Variants in KIF9 observed in about 807,000 individuals in gnomAD.
KIF9 encodes kinesin family member 9.
A neutral mutation model predicts 94.8 loss-of-function variants in KIF9; 68 were observed. That is an observed-to-expected ratio of 0.72 (90% CI 0.59 to 0.88). The LOEUF (loss-of-function observed/expected upper bound fraction) is 0.88, where lower values mean the gene tolerates loss of function less well. KIF9 is among the 40% of genes least tolerant of loss of function. The pLI is 0.00. For synonymous variants in KIF9, 343 were observed against 362.1 expected (o/e 0.95, Z 0.60); for missense variants, 882 against 982.5 (o/e 0.90, Z 1.37).
In KIF9 at chr3:47,277,361, T is replaced by A. The variant is rs748727535; in HGVS notation, c.14A>T (p.Lys5Ile). The A allele has an allele frequency of 1.2e-6, 2 of 1,613,516 alleles. No individual in the cohort carries two copies. Among genetic ancestry groups the A allele is most frequent in the Admixed American group, 3.3e-5 (2 of 59,992 alleles). ...GACACGGACAAATGCATGAACTTTT[T>A]TCCTAGTACCCATTCTAGCTAAAAA... The part of the protein sequence containing the change: MGTR[K>I]KVHAFVRVKP... The change falls in exon 2 of 21, where the codon AAA (lysine) becomes ATA (isoleucine). Residue 5 changes from lysine (K) to isoleucine (I), a missense_variant. Coordinates refer to ENST00000684063, the MANE Select transcript of KIF9 (RefSeq NM_182902.4).
intron 10 of KIF9, among the ~76,000 whole-genome samples, chr3:47,256,109 A>G (rs1700568817): frequency 6.6e-6 from 1 of 152,184 alleles, no homozygotes; most frequent in Non-Finnish European, 1.5e-5. Flanking sequence ...TCGGCTCGCT[A>G]CAACTTCCAC....
intron 5 of KIF9, among the ~76,000 whole-genome samples, chr3:47,270,088 G>A (rs552907357): frequency 4.6e-5 from 7 of 151,776 alleles, no homozygotes; most frequent in Admixed American, 2.6e-4. Flanking sequence ...ATTGTTAGTG[G>A]AGATGAGGTT....
At position 47,236,614 on chromosome 3, in the gene KIF9, A is replaced by G; in HGVS notation, c.1930T>C (p.Tyr644His). The G allele has an allele frequency of 6.2e-7, 1 of 1,613,550 alleles. No homozygotes were observed. The highest frequency in any genetic ancestry group is 8.5e-7 in the Non-Finnish European group (1 of 1,179,978). Residue 644 changes from tyrosine (Y) to histidine (H), a missense_variant, in exon 18 of 21, where the codon TAC becomes CAC. Coordinates refer to ENST00000684063, the MANE Select transcript of KIF9 (RefSeq NM_182902.4). ...QKSLREKQGK[Y>H]ENKGLMIIDE... Reference sequence around the variant, plus strand: ...ATGATCATCAGCCCCTTGTTTTCGTACTTGCCTGCAAGGTGATGGAAGAAG... The same window carrying G: ...ATGATCATCAGCCCCTTGTTTTCGTGCTTGCCTGCAAGGTGATGGAAGAAG...
At chr3:47,238,323 T>A (rs1364664572) in intron 17 of KIF9, 1 of 152,118 alleles carries the variant, frequency 6.6e-6, no homozygotes, top group Non-Finnish European at 1.5e-5. Context: ...GCTCAGGTGA[T>A]CCTTTCACCA....
At chr3:47,251,243 C>A (rs1395927373) in intron 10 of KIF9, among the ~76,000 whole-genome samples, 2 of 152,208 alleles carry the variant, frequency 1.3e-5, no homozygotes, top group African/African-American at 4.8e-5. Context: ...CACAGCAGAG[C>A]CAAACTTACA....
rs538559442 is a variant in KIF9, at chr3:47,229,249, G to T, written c.2323-547C>A. 1.1e-4 allele frequency among the ~76,000 whole-genome samples: 16 copies of T among 152,324 alleles called. No homozygotes were observed. In the South Asian group the frequency reaches 3.3e-3, roughly 32 times the overall value. On this transcript the variant is annotated intron_variant, in intron 20 of 20. Transcript: ENST00000684063. ...CCACAAAGTAGGAGTCTGAATTGAAGCTCCCATATTAAACTGGAATTCTTG... is the reference window on the plus strand; with the variant it reads ...CCACAAAGTAGGAGTCTGAATTGAATCTCCCATATTAAACTGGAATTCTTG...
At chr3:47,247,992 C>T in intron 11 of KIF9, 26 bp downstream of exon 11, 2 of 1,589,548 alleles carry the variant, frequency 1.3e-6, no homozygotes, top group Non-Finnish European at 1.7e-6. Flanking sequence ...CACCTCTGCC[C>T]TCCTTCTTTG....
rs1363026412 is a variant in KIF9 at position 47,232,842 on chromosome 3, C to T, written c.2322+2671G>A. On this transcript the variant is annotated intron_variant, in intron 20 of 20. Transcript: ENST00000684063. ...CTAAAAATACAAAAAATTAGCTGGG[C>T]GTGGTGGCGGGCACCTGTAGTCCCA... Among the ~76,000 whole-genome samples the T allele has an allele frequency of 3.3e-5, 5 of 151,002 alleles. No individual in the cohort carries two copies. In the East Asian group the frequency reaches 6.1e-4, roughly 18 times the overall value.
chr3:47,280,273 A>G (rs1439910605), intron 1 of KIF9, among the ~76,000 whole-genome samples: 2 of 152,226 alleles, frequency 1.3e-5, no homozygotes, highest in Non-Finnish European at 2.9e-5. Context: ...CCAAGGGCCC[A>G]TTCTCCTGCC....
At position 47,235,563 on chromosome 3, in the gene KIF9, C is replaced by A. The variant is rs745839521; in HGVS notation, c.2272G>T (p.Gly758Cys). 2.5e-6 allele frequency: 4 copies of A among 1,614,078 alleles called. No individual in the cohort carries two copies. The highest frequency in any genetic ancestry group is 3.4e-6 in the Non-Finnish European group (4 of 1,179,980). The change falls in exon 20 of 21, where the codon GGC (glycine) becomes TGC (cysteine). Residue 758 changes from glycine to cysteine, a missense_variant. Transcript: ENST00000684063. ...SQLQQRVLPE[G>C]PDSISFYNAK... Reference sequence around the variant, plus strand: ...TTGTAGAAGGAGATGGAATCAGGGCCCTCAGGAAGCACCCTCTGCTGCAGC... The same window carrying A: ...TTGTAGAAGGAGATGGAATCAGGGCACTCAGGAAGCACCCTCTGCTGCAGC...
chr3:47,239,637 G>C (rs1433542384), intron 17 of KIF9: 17 of 1,047,112 alleles, frequency 1.6e-5, no homozygotes, highest in Admixed American at 4.0e-5. Context: ...ACCCAGACTG[G>C]AGTGCAGTGG....
At chr3:47,275,237 G>A in intron 3 of KIF9, 88 bp downstream of exon 3, 1 of 1,009,436 alleles carries the variant, frequency 9.9e-7, no homozygotes, top group Non-Finnish European at 1.5e-6. Flanking sequence ...ATGATAGTGA[G>A]TGAGCTTTTA....
intron 7 of KIF9, 81 bp from the exon 8 acceptor site, chr3:47,265,958 A>G: frequency 6.7e-7 from 1 of 1,501,160 alleles, no homozygotes; most frequent in Admixed American, 1.7e-5. Flanking sequence ...TGGTCTGGAG[A>G]AATGCTATAA....
intron 9 of KIF9, among the ~76,000 whole-genome samples, chr3:47,261,957 T>A (rs770746760): frequency 3.8e-4 from 58 of 152,186 alleles, no homozygotes; most frequent in Non-Finnish European, 5.3e-4. Context: ...AGTTTTAAAG[T>A]TTCAACACAT....
intron 10 of KIF9, among the ~76,000 whole-genome samples, chr3:47,254,863 C>G (rs775161624): frequency 7.2e-5 from 11 of 152,142 alleles, no homozygotes; most frequent in Non-Finnish European, 1.6e-4. Context: ...AGGGCATCTT[C>G]AGGCCCCACC....
intron 15 of KIF9, 161 bp from the exon 16 acceptor site, chr3:47,243,406 T>C (rs1220074855): frequency 4.1e-6 from 2 of 491,704 alleles, no homozygotes; most frequent in East Asian, 3.1e-5. Flanking sequence ...AGTGTGATGC[T>C]AAGCCAGGCA....
At chr3:47,262,633 T>C (rs1701053441) in intron 9 of KIF9, among the ~76,000 whole-genome samples, 1 of 152,158 alleles carries the variant, frequency 6.6e-6, no homozygotes, top group African/African-American at 2.4e-5. Context: ...CTGGGGATGC[T>C]GCCTGCACGT....
rs76794610 is a variant in KIF9 at position 47,272,804 on chromosome 3, A to G, written c.366+748T>C. 1.7e-3 allele frequency among the ~76,000 whole-genome samples: 252 copies of G among 152,368 alleles called. 8 individuals carry two copies. In the East Asian group the frequency reaches 0.047, roughly 28 times the overall value. ...TTACTAAAGTCTAAGATGCTGAGAT[A>G]CTGAAGCTTTGACAGTGGGATATTA... On this transcript the variant is annotated intron_variant, in intron 4 of 20. Coordinates refer to ENST00000684063, the MANE Select transcript of KIF9 (RefSeq NM_182902.4).
Position 47,282,188 on chromosome 3 carries a change from C to T in KIF9, c.-6+307G>A, listed in dbSNP as rs181717151. ...GGTGATCCCAAAGCCCCCTCTAGTT[C>T]GAAAACTGACTAGTACGGAAGAGTC... is the stretch of plus-strand genomic sequence containing the variant. On this transcript the variant is annotated intron_variant, in intron 1 of 20. Transcript: ENST00000684063. 8,883 of 985,412 alleles carry T rather than the reference C, an allele frequency of 9.0e-3. 47 individuals carry two copies. The highest frequency in any genetic ancestry group is 0.01 in the Non-Finnish European group (8,377 of 829,942). 61.0% of individuals were successfully genotyped at this position (985,412 alleles called of 1,614,324 possible). A position where few individuals can be genotyped will look rare whatever the true frequency, so the allele number is the denominator to read the frequency against.
Sources: allele counts gnomAD v4.1 joint callset (sites outside exome capture counted in the v4.1 genomes callset), GRCh38; gene constraint gnomAD v4.1.1; transcripts MANE v1.5; gene names NCBI Gene and HGNC (gene_info 2026-07-23, HGNC 2026-07-21).